Variants in MAP3K20 observed in about 807,000 individuals in gnomAD.
MAP3K20 encodes the protein HCCS-4.
Under a neutral mutation model 85.7 loss-of-function variants are expected in MAP3K20, and 40 were observed. The ratio of observed to expected loss-of-function variants is 0.47; its 90% CI spans 0.36 to 0.61. MAP3K20 has a LOEUF of 0.61. Among genes scored for constraint, MAP3K20 ranks in the 20% least tolerant of loss-of-function variants. The pLI is 0.00. For missense variants in MAP3K20, 817 were observed against 961.7 expected (o/e 0.85, Z 1.99); for synonymous variants, 325 against 327.7 (o/e 0.99, Z 0.09).
intron 2 of MAP3K20, among the ~76,000 whole-genome samples, chr2:173,139,865 A>T (rs1041811551): frequency 6.6e-6 from 1 of 152,130 alleles, no homozygotes; most frequent in Non-Finnish European, 1.5e-5. Context: ...TTACACCCAC[A>T]TATTTCCATG....
chr2:173,159,547 G>A (rs978547158), intron 2 of MAP3K20, among the ~76,000 whole-genome samples: 3 of 151,718 alleles, frequency 2.0e-5, no homozygotes, highest in East Asian at 3.9e-4. Flanking sequence ...ATGCCACTAC[G>A]CCTGGCTAAT....
rs575067566 is a variant in MAP3K20, at chr2:173,128,086, G to C, written c.159+36896G>C. Among the ~76,000 whole-genome samples the C allele has an allele frequency of 9.9e-5, 15 of 152,084 alleles. No homozygotes were observed. The East Asian group carries it at 2.9e-3, about 29-fold the overall frequency. ...ACCAGTTGAAGCCTTTCCACACCGA[G>C]TACAATTTCATGTTGATGCAAAAGA... On this transcript the variant is annotated intron_variant, in intron 2 of 19. Transcript: ENST00000375213.
At chr2:173,107,296 C>T (rs931528188) in intron 2 of MAP3K20, among the ~76,000 whole-genome samples, 3 of 152,128 alleles carry the variant, frequency 2.0e-5, no homozygotes, top group African/African-American at 7.2e-5. Flanking sequence ...CGGGGAGGGC[C>T]AGGCTCTGGA....
At chr2:173,076,149 C>T (rs1436597195) in intron 1 of MAP3K20, 147 bp downstream of exon 1, 5 of 534,682 alleles carry the variant, frequency 9.4e-6, no homozygotes, top group Non-Finnish European at 1.2e-5. Context: ...GGGCTCCCCT[C>T]CCCGACCCAG....
intron 16 of MAP3K20, among the ~76,000 whole-genome samples, chr2:173,248,907 A>C (rs1002202733): frequency 2.0e-5 from 3 of 152,288 alleles, no homozygotes; most frequent in Middle Eastern, 3.4e-3. Flanking sequence ...AATAAATTAC[A>C]AGCACATTAT....
chr2:173,154,709 A>G (rs937682027), intron 2 of MAP3K20, among the ~76,000 whole-genome samples: 5 of 152,156 alleles, frequency 3.3e-5, no homozygotes, highest in African/African-American at 1.2e-4. Context: ...CCTTGTTTTA[A>G]TTCGTATCAA....
At chr2:173,154,045 A>G (rs1422015191) in intron 2 of MAP3K20, among the ~76,000 whole-genome samples, 1 of 151,826 alleles carries the variant, frequency 6.6e-6, no homozygotes, top group Non-Finnish European at 1.5e-5. Context: ...TCAGCTTGGC[A>G]TATGTTAGCA....
chr2:173,118,174 T>G (rs187075734), intron 2 of MAP3K20, among the ~76,000 whole-genome samples: 1 of 152,354 alleles, frequency 6.6e-6, no homozygotes, highest in East Asian at 1.9e-4. Flanking sequence ...TCTTTGTAAT[T>G]CCATTTTCCT....
intron 16 of MAP3K20, 69 bp downstream of exon 16, chr2:173,239,565 A>G (rs894315560): frequency 2.1e-6 from 3 of 1,412,364 alleles, no homozygotes; most frequent in Non-Finnish European, 2.0e-6. Flanking sequence ...CTGTAACTCC[A>G]TGGTTTTATA....
At chr2:173,173,640 T>C (rs755375802) in intron 3 of MAP3K20, among the ~76,000 whole-genome samples, 2 of 152,214 alleles carry the variant, frequency 1.3e-5, no homozygotes, top group Non-Finnish European at 2.9e-5. Context: ...TTTGATATTG[T>C]GCTAGTCTTT....
intron 3 of MAP3K20, 137 bp from the exon 4 acceptor site, chr2:173,182,717 A>G (rs1233711779): frequency 1.7e-6 from 1 of 587,988 alleles, no homozygotes; most frequent in East Asian, 3.5e-5. Context: ...TAGAAACCAC[A>G]CCATGGAACA....
At chr2:173,085,839 A>G (rs1051470383) in intron 1 of MAP3K20, among the ~76,000 whole-genome samples, 4 of 109,736 alleles carry the variant, frequency 3.6e-5, no homozygotes, top group African/African-American at 7.1e-5. Context: ...TCTGTTGTCC[A>G]GGCTGGAGTG....
At chr2:173,173,673 A>T (rs1265980129) in intron 3 of MAP3K20, among the ~76,000 whole-genome samples, 2 of 152,228 alleles carry the variant, frequency 1.3e-5, no homozygotes, top group African/African-American at 4.8e-5. Context: ...ATTAGAGACA[A>T]GTGTCACATT....
intron 11 of MAP3K20, among the ~76,000 whole-genome samples, chr2:173,217,617 T>C (rs1684117136): frequency 6.6e-6 from 1 of 152,206 alleles, no homozygotes; most frequent in Non-Finnish European, 1.5e-5. Flanking sequence ...ACTCAGTCAT[T>C]AATAACTGTA....
At chr2:173,078,056 A>C (rs1321663383) in intron 1 of MAP3K20, among the ~76,000 whole-genome samples, 1 of 152,232 alleles carries the variant, frequency 6.6e-6, no homozygotes, top group Admixed American at 6.5e-5. Flanking sequence ...CATCAGAGAA[A>C]ACACTGAAAA....
Position 173,208,496 on chromosome 2 carries a change from C to T in MAP3K20, c.745-1233C>T, listed in dbSNP as rs541856235. Among the ~76,000 whole-genome samples, 90 of 152,088 alleles carry T rather than the reference C, an allele frequency of 5.9e-4. No homozygotes were observed. In the South Asian group the frequency reaches 0.018, roughly 31 times the overall value. On this transcript the variant is annotated intron_variant, in intron 9 of 19. Coordinates refer to ENST00000375213, the MANE Select transcript of MAP3K20 (RefSeq NM_016653.3). ...ATAAATAGAACATTTTTCAAGCTTCCTACTTAGGGCATTTTCCTCTTTGCT... is the reference window on the plus strand; with the variant it reads ...ATAAATAGAACATTTTTCAAGCTTCTTACTTAGGGCATTTTCCTCTTTGCT...
chr2:173,261,613 A>T (rs572543722), intron 18 of MAP3K20, among the ~76,000 whole-genome samples: 17 of 152,334 alleles, frequency 1.1e-4, no homozygotes, highest in Admixed American at 9.8e-4. Flanking sequence ...CATTTCATTC[A>T]TTCATCAATT....
chr2:173,209,740 A>G lies in MAP3K20; in HGVS notation c.756A>G (p.Ser252=), dbSNP rs1683817650. The change falls in exon 10 of 20, where the codon TCA becomes TCG. Residue 252 remains serine (S), a synonymous_variant. Transcript: ENST00000375213. The part of the protein sequence containing the change: ...CWEADAKKRP[S]FKQIISILES... ...TTTCTCTTCTTCAGAAACGGCCATC[A>G]TTCAAGCAAATCATTTCAATCCTGG... 1.2e-6 allele frequency: 2 copies of G among 1,606,488 alleles called. No individual in the cohort carries two copies. The highest frequency in any genetic ancestry group is 1.7e-6 in the Non-Finnish European group (2 of 1,177,242).
chr2:173,219,960 T>G (rs1178260577), intron 11 of MAP3K20, among the ~76,000 whole-genome samples: 4 of 150,824 alleles, frequency 2.7e-5, no homozygotes, highest in Non-Finnish European at 4.4e-5. Context: ...CCCAGCTATT[T>G]GGGAGGCTGA....
Sources: allele counts gnomAD v4.1 joint callset (sites outside exome capture counted in the v4.1 genomes callset), GRCh38; gene constraint gnomAD v4.1.1; transcripts MANE v1.5; gene names NCBI Gene and HGNC (gene_info 2026-07-23, HGNC 2026-07-21).